Variants in DYRK1A observed in about 807,000 individuals in gnomAD.
The protein encoded by DYRK1A is dual specificity tyrosine phosphorylation regulated kinase 1A.
A neutral mutation model predicts 79.7 loss-of-function variants in DYRK1A; 9 were observed. The ratio of observed to expected loss-of-function variants is 0.11; its 90% CI spans 0.07 to 0.20. The LOEUF (loss-of-function observed/expected upper bound fraction) is 0.20, where lower values mean the gene tolerates loss of function less well. Among genes scored for constraint, DYRK1A ranks in the 10% least tolerant of loss-of-function variants. The pLI is 1.00. For synonymous variants in DYRK1A, 349 were observed against 329.7 expected (o/e 1.06, Z -0.63); for missense variants, 622 against 956.0 (o/e 0.65, Z 4.61).
In DYRK1A at chr21:37,426,190, T is replaced by C. The variant is rs138062321; in HGVS notation, c.10+5806T>C. On this transcript the variant is annotated intron_variant, in intron 2 of 11. Coordinates refer to ENST00000647188, the MANE Select transcript of DYRK1A (RefSeq NM_001347721.2). ...GAAGATAAAAGCACAGGAGATCTTATTCATGAGTCTATATTTTGGGATCCT... is the reference window on the plus strand; with the variant it reads ...GAAGATAAAAGCACAGGAGATCTTACTCATGAGTCTATATTTTGGGATCCT... Among the ~76,000 whole-genome samples the C allele has an allele frequency of 7.0e-3, 1,072 of 152,296 alleles. 13 individuals are homozygous for C. Among genetic ancestry groups the C allele is most frequent in the African/African-American group, 0.025 (1,027 of 41,550 alleles).
intron 1 of DYRK1A, among the ~76,000 whole-genome samples, chr21:37,382,227 A>C (rs2049672067): frequency 6.6e-6 from 1 of 151,642 alleles, no homozygotes; most frequent in Non-Finnish European, 1.5e-5. Flanking sequence ...TTAAAAAAAA[A>C]AATTAAATTT....
intron 1 of DYRK1A, among the ~76,000 whole-genome samples, chr21:37,395,980 A>G (rs983180917): frequency 6.6e-6 from 1 of 152,234 alleles, no homozygotes; most frequent in African/African-American, 2.4e-5. Flanking sequence ...CACACAAAAC[A>G]TAGGAGATGT....
At chr21:37,498,196 G>C (rs1284645916) in intron 9 of DYRK1A, among the ~76,000 whole-genome samples, 1 of 152,098 alleles carries the variant, frequency 6.6e-6, no homozygotes, top group Non-Finnish European at 1.5e-5. Context: ...CCTGGTGGAG[G>C]TGCAGAATGA....
At chr21:37,451,386 C>T in intron 2 of DYRK1A, among the ~76,000 whole-genome samples, 1 of 149,900 alleles carries the variant, frequency 6.7e-6, no homozygotes, top group Non-Finnish European at 1.5e-5. Flanking sequence ...CCCTCCCCCA[C>T]CCATTGCAAC....
At position 37,398,944 on chromosome 21, in the gene DYRK1A, T is replaced by C. The variant is rs548670187; in HGVS notation, c.-76-21355T>C. Among the ~76,000 whole-genome samples, 24 of 150,186 alleles carry C rather than the reference T, an allele frequency of 1.6e-4. No homozygotes were observed. The South Asian group carries it at 5.0e-3, about 32-fold the overall frequency. On this transcript the variant is annotated intron_variant, in intron 1 of 11. Coordinates refer to ENST00000647188, the MANE Select transcript of DYRK1A (RefSeq NM_001347721.2). ...TTTTTAAACCGCAGAGAGAACAGTG[T>C]CGGTTGCTCAGAGGACTCTTCTTTC... is the stretch of plus-strand genomic sequence containing the variant.
chr21:37,502,026 G>A (rs991477158), intron 9 of DYRK1A: 1 of 151,970 alleles, frequency 6.6e-6, no homozygotes, highest in Non-Finnish European at 1.5e-5. Flanking sequence ...AGTCTGCTTT[G>A]TCCGATATCA....
chr21:37,493,935 T>TTC, intron 8 of DYRK1A, among the ~76,000 whole-genome samples: 1 of 127,534 alleles, frequency 7.8e-6, no homozygotes, highest in South Asian at 2.4e-4. Context: ...TAATTCTTCT[T>TTC]TTTTTTTTTT....
intron 1 of DYRK1A, among the ~76,000 whole-genome samples, chr21:37,401,820 T>C (rs1421740565): frequency 2.0e-5 from 3 of 152,226 alleles, no homozygotes; most frequent in Non-Finnish European, 4.4e-5. Flanking sequence ...GGTTTCTCTT[T>C]TGTAATGAAA....
intron 4 of DYRK1A, among the ~76,000 whole-genome samples, chr21:37,479,615 T>TTTG (rs1260373043): frequency 2.2e-4 from 22 of 99,744 alleles, no homozygotes; most frequent in South Asian, 7.2e-4. Flanking sequence ...TGTTTTTGTT[T>TTTG]TTTGTTTTTT....
chr21:37,457,040 A>ACTTAC (rs879364665), intron 2 of DYRK1A, among the ~76,000 whole-genome samples: 4 of 43,256 alleles, frequency 9.2e-5, no homozygotes, highest in African/African-American at 1.6e-4. Flanking sequence ...TTACTTACTT[A>ACTTAC]TTTATTTATT....
chr21:37,515,444 ATATTT>A lies in DYRK1A; in HGVS notation c.*2916_*2920del, dbSNP rs960049707. 1 of 152,250 alleles carries A rather than the reference ATATTT, an allele frequency of 6.6e-6. No homozygotes were observed. The allele number at this position is 152,250 out of a possible 1,614,324, so 9.4% of individuals were successfully genotyped here. A position where few individuals can be genotyped will look rare whatever the true frequency, so the allele number is the denominator to read the frequency against. On this transcript the variant is annotated 3_prime_UTR_variant, in exon 12 of 12. Coordinates refer to ENST00000647188, the MANE Select transcript of DYRK1A (RefSeq NM_001347721.2). Reference sequence around the variant, plus strand: ...CATAATTTTGTGATTCAAAATGCTCATATTTTAGTTGGTAGCATTTCGACTGGATG... The same window carrying A: ...CATAATTTTGTGATTCAAAATGCTCATAGTTGGTAGCATTTCGACTGGATG...
At chr21:37,491,378 A>G (rs1449188794) in intron 7 of DYRK1A, among the ~76,000 whole-genome samples, 1 of 152,170 alleles carries the variant, frequency 6.6e-6, no homozygotes, top group Non-Finnish European at 1.5e-5. Context: ...TGCTTTAAGT[A>G]TTGAAACTAT....
At chr21:37,372,771 T>G (rs893015806) in intron 1 of DYRK1A, among the ~76,000 whole-genome samples, 2 of 152,228 alleles carry the variant, frequency 1.3e-5, no homozygotes, top group Non-Finnish European at 2.9e-5. Flanking sequence ...TCTCCTCATC[T>G]TCATTCATGC....
chr21:37,375,476 T>C (rs2049518382), intron 1 of DYRK1A, among the ~76,000 whole-genome samples: 1 of 151,820 alleles, frequency 6.6e-6, no homozygotes, highest in Non-Finnish European at 1.5e-5. Flanking sequence ...TGGAATTCTC[T>C]AGTTTAAAAT....
At chr21:37,500,134 C>T (rs1265617828) in intron 9 of DYRK1A, among the ~76,000 whole-genome samples, 7 of 152,164 alleles carry the variant, frequency 4.6e-5, no homozygotes, top group Non-Finnish European at 7.3e-5. Flanking sequence ...AGTCTTAATG[C>T]TCCATGAATG....
intron 1 of DYRK1A, among the ~76,000 whole-genome samples, chr21:37,412,137 A>G (rs925086575): frequency 6.6e-6 from 1 of 152,178 alleles, no homozygotes; most frequent in African/African-American, 2.4e-5. Flanking sequence ...ATGAAGGCAA[A>G]TTGAGGTGAT....
chr21:37,374,544 G>A (rs9978894), intron 1 of DYRK1A, among the ~76,000 whole-genome samples: 28,344 of 151,310 alleles, frequency 0.19, 2,901 homozygotes, highest in East Asian at 0.36. Context: ...TTAGAGTGAT[G>A]CTCTGGAATC....
intron 1 of DYRK1A, among the ~76,000 whole-genome samples, chr21:37,417,046 G>A (rs1385789273): frequency 1.3e-5 from 2 of 151,896 alleles, no homozygotes; most frequent in Non-Finnish European, 2.9e-5. Context: ...TTAGTTTGGT[G>A]TCATTACAAA....
intron 1 of DYRK1A, among the ~76,000 whole-genome samples, chr21:37,399,534 C>A (rs1334903030): frequency 6.6e-6 from 1 of 152,158 alleles, no homozygotes; most frequent in African/African-American, 2.4e-5. Context: ...GAAAAAAAGA[C>A]AAATACAGTT....
Sources: allele counts gnomAD v4.1 joint callset (sites outside exome capture counted in the v4.1 genomes callset), GRCh38; gene constraint gnomAD v4.1.1; transcripts MANE v1.5; gene names NCBI Gene and HGNC (gene_info 2026-07-23, HGNC 2026-07-21).